The following SPOCK3 variants were observed in gnomAD, a reference collection of about 807,000 sequenced individuals.
SPOCK3 encodes testican-3.
Under a neutral mutation model 56.6 loss-of-function variants are expected in SPOCK3, and 30 were observed. The ratio of observed to expected loss-of-function variants is 0.53; its 90% CI spans 0.40 to 0.72. The LOEUF is 0.72. SPOCK3 is among the 30% of genes least tolerant of loss of function. SPOCK3 has a pLI of 0.00. For missense variants in SPOCK3, 527 were observed against 530.0 expected, an observed-to-expected ratio of 0.99 and a Z score of 0.06; for synonymous variants, 196 against 183.3, an observed-to-expected ratio of 1.07 and a Z score of -0.56.
At chr4:167,012,420 G>A (rs1232823792) in intron 3 of SPOCK3, among the ~76,000 whole-genome samples, 1 of 151,864 alleles carries the variant, frequency 6.6e-6, no homozygotes. Context: ...AAACACATAA[G>A]CAAATATACC....
chr4:167,140,006 G>A (rs568090125), intron 2 of SPOCK3, among the ~76,000 whole-genome samples: 3 of 151,616 alleles, frequency 2.0e-5, no homozygotes, highest in South Asian at 2.1e-4. Flanking sequence ...ATACCTGAAC[G>A]AGTTTGCCAA....
chr4:166,888,078 G>T (rs2127004734), intron 6 of SPOCK3, among the ~76,000 whole-genome samples: 1 of 151,996 alleles, frequency 6.6e-6, no homozygotes, highest in South Asian at 2.1e-4. Flanking sequence ...ATTTCTTAAA[G>T]AGTTAATACC....
chr4:166,769,496 A>T (rs1738631624), intron 7 of SPOCK3, among the ~76,000 whole-genome samples: 1 of 152,224 alleles, frequency 6.6e-6, no homozygotes, highest in Admixed American at 6.5e-5. Flanking sequence ...AGGCTGCAGA[A>T]CAGTGAATAT....
At chr4:166,934,616 AT>A (rs1740182542) in intron 4 of SPOCK3, among the ~76,000 whole-genome samples, 1 of 152,190 alleles carries the variant, frequency 6.6e-6, no homozygotes, top group African/African-American at 2.4e-5. Flanking sequence ...TTTACTTATA[AT>A]AATCTATGTG....
intron 6 of SPOCK3, among the ~76,000 whole-genome samples, chr4:166,841,377 C>A (rs1475861794): frequency 1.3e-5 from 2 of 151,164 alleles, no homozygotes; most frequent in African/African-American, 4.9e-5. Context: ...AAAACAATTT[C>A]ACATAGACTT....
chr4:167,220,887 G>C (rs769814097), intron 2 of SPOCK3, among the ~76,000 whole-genome samples: 30 of 152,156 alleles, frequency 2.0e-4, no homozygotes, highest in Non-Finnish European at 3.7e-4. Context: ...CAGGCAACTA[G>C]AAGTTTCCTA....
chr4:167,174,019 T>C (rs920157829), intron 2 of SPOCK3, among the ~76,000 whole-genome samples: 3 of 152,176 alleles, frequency 2.0e-5, no homozygotes, highest in African/African-American at 7.2e-5. Flanking sequence ...TTAAGTTCTT[T>C]GCTACATTTT....
chr4:166,881,698 A>G (rs1275479941), intron 6 of SPOCK3, among the ~76,000 whole-genome samples: 1 of 152,088 alleles, frequency 6.6e-6, no homozygotes, highest in Non-Finnish European at 1.5e-5. Flanking sequence ...GAGATCCTGA[A>G]ATCCTCCTAG....
chr4:167,126,649 G>T (rs1204195822), intron 2 of SPOCK3, among the ~76,000 whole-genome samples: 1 of 150,586 alleles, frequency 6.6e-6, no homozygotes, highest in Non-Finnish European at 1.5e-5. Flanking sequence ...CCTTAAAATA[G>T]ACAATGGTCT....
intron 6 of SPOCK3, among the ~76,000 whole-genome samples, chr4:166,805,620 C>T (rs1431302754): frequency 1.3e-5 from 2 of 152,034 alleles, no homozygotes; most frequent in Admixed American, 6.6e-5. Context: ...CATTCAGGAA[C>T]CTGCCAAGAA....
At chr4:166,923,458 T>G (rs1738731181) in intron 4 of SPOCK3, among the ~76,000 whole-genome samples, 1 of 152,218 alleles carries the variant, frequency 6.6e-6, no homozygotes, top group Admixed American at 6.5e-5. Context: ...AAAGAGAGAT[T>G]CTATTTCTCT....
rs188270805 is a variant in SPOCK3, at chr4:167,163,187, C to T, written c.189+70798G>A. 2.3e-3 allele frequency among the ~76,000 whole-genome samples: 322 copies of T among 141,184 alleles called. 1 individual carries two copies. Among genetic ancestry groups the T allele is most frequent in the African/African-American group, 7.9e-3 (301 of 37,912 alleles). 92.6% of individuals were successfully genotyped at this position (141,184 alleles called of 152,430 possible). A position where few individuals can be genotyped will look rare whatever the true frequency, so the allele number is the denominator to read the frequency against. ...GGGGATTTTTTTTTTTTTTTTTTGC[C>T]AAACCTAAATTTTAGGTAATCCTCA... On this transcript the variant is annotated intron_variant, in intron 2 of 10. Coordinates refer to ENST00000357545, the MANE Select transcript of SPOCK3 (RefSeq NM_001040159.2).
At chr4:167,197,293 C>A (rs964483018) in intron 2 of SPOCK3, among the ~76,000 whole-genome samples, 3 of 152,078 alleles carry the variant, frequency 2.0e-5, no homozygotes, top group African/African-American at 7.2e-5. Context: ...TGTATAAATT[C>A]ACCAATTTCA....
At chr4:166,866,808 T>C (rs1450350820) in intron 6 of SPOCK3, among the ~76,000 whole-genome samples, 3 of 152,092 alleles carry the variant, frequency 2.0e-5, no homozygotes, top group Non-Finnish European at 4.4e-5. Flanking sequence ...TAGGTTTCTC[T>C]ATTGAAAATC....
chr4:166,811,770 C>T (rs565078802), intron 6 of SPOCK3, among the ~76,000 whole-genome samples: 1 of 151,808 alleles, frequency 6.6e-6, no homozygotes, highest in Admixed American at 6.6e-5. Context: ...ATAAAATTAC[C>T]TCATTTAATT....
At chr4:166,737,633 CA>C in intron 9 of SPOCK3, 29 bp from the exon 10 acceptor site, 1 of 1,591,542 alleles carries the variant, frequency 6.3e-7, no homozygotes, top group Non-Finnish European at 8.5e-7. Flanking sequence ...GGCATACAAA[CA>C]CACACATGTA....
chr4:166,867,885 A>G (rs1732007718), intron 6 of SPOCK3, among the ~76,000 whole-genome samples: 1 of 151,868 alleles, frequency 6.6e-6, no homozygotes, highest in Non-Finnish European at 1.5e-5. Context: ...TATGTTCCAG[A>G]AAAAAAGTTT....
chr4:166,860,479 T>C (rs1309360206), intron 6 of SPOCK3, among the ~76,000 whole-genome samples: 1 of 151,958 alleles, frequency 6.6e-6, no homozygotes, highest in Non-Finnish European at 1.5e-5. Flanking sequence ...AGACTTTAAA[T>C]AGTTAATGAG....
In SPOCK3 at chr4:167,165,896, T is replaced by A. The variant is rs577085118; in HGVS notation, c.189+68089A>T. 5.3e-5 allele frequency among the ~76,000 whole-genome samples: 8 copies of A among 152,028 alleles called. 1 individual carries two copies. In the South Asian group the frequency reaches 1.7e-3, roughly 32 times the overall value. On this transcript the variant is annotated intron_variant, in intron 2 of 10. Transcript: ENST00000357545. ...AGAGGACATATGTGAACTAAAGAAA[T>A]ATAATCTATTTGGAATGGGTTAAGA...
Sources: allele counts gnomAD v4.1 joint callset (sites outside exome capture counted in the v4.1 genomes callset), GRCh38; gene constraint gnomAD v4.1.1; transcripts MANE v1.5; gene names NCBI Gene and HGNC (gene_info 2026-07-23, HGNC 2026-07-21).